The following ANAPC7 variants were observed in gnomAD, a reference collection of about 807,000 sequenced individuals.
ANAPC7 encodes the protein anaphase-promoting complex subunit 7.
ANAPC7 carries 25 observed loss-of-function variants against 63.3 expected under a neutral mutation model. The observed-to-expected ratio is 0.39, with a 90% CI of 0.29 to 0.55. The LOEUF (loss-of-function observed/expected upper bound fraction) is 0.55. Among genes scored for constraint, ANAPC7 ranks in the 20% least tolerant of loss-of-function variants. ANAPC7 has a pLI of 0.57. For missense variants in ANAPC7, 516 were observed against 691.7 expected (o/e 0.75, Z 2.85); for synonymous variants, 241 against 251.7 (o/e 0.96, Z 0.40).
rs190698439 is a variant in ANAPC7 at position 110,402,718 on chromosome 12, C to A, written c.101+809G>T. 6.9e-3 allele frequency among the ~76,000 whole-genome samples: 1,047 copies of A among 152,150 alleles called. 1 individual carries two copies. The highest frequency in any genetic ancestry group is 9.4e-3 in the Non-Finnish European group (640 of 67,982). On this transcript the variant is annotated intron_variant, in intron 1 of 10. Coordinates refer to ENST00000455511, the MANE Select transcript of ANAPC7 (RefSeq NM_016238.3). Reference sequence around the variant, plus strand: ...TCAAGGAAACATGAAAGGCGCCACGCCCACCCATTAATGGAGTCTCCCGTT... The same window carrying A: ...TCAAGGAAACATGAAAGGCGCCACGACCACCCATTAATGGAGTCTCCCGTT...
intron 8 of ANAPC7, among the ~76,000 whole-genome samples, chr12:110,379,736 C>T (rs547648084): frequency 5.3e-5 from 8 of 152,164 alleles, no homozygotes; most frequent in Admixed American, 2.0e-4. Context: ...CTGTTAAGAG[C>T]AAATCACTCC....
At chr12:110,382,007 T>A in intron 7 of ANAPC7, 59 bp from the exon 8 acceptor site, 1 of 1,443,248 alleles carries the variant, frequency 6.9e-7, no homozygotes, top group Non-Finnish European at 9.1e-7. Flanking sequence ...AAGAGAAGAC[T>A]ACAAAGAAAG....
intron 3 of ANAPC7, among the ~76,000 whole-genome samples, chr12:110,394,004 C>G (rs912281193): frequency 1.7e-4 from 26 of 150,394 alleles, no homozygotes; most frequent in Non-Finnish European, 3.2e-4. Context: ...AACACCATCT[C>G]TACTAAAAAT....
intron 3 of ANAPC7, among the ~76,000 whole-genome samples, chr12:110,393,917 AATC>A (rs1254408403): frequency 6.6e-6 from 1 of 150,990 alleles, no homozygotes; most frequent in Non-Finnish European, 1.5e-5. Flanking sequence ...TCACGCCTGT[AATC>A]CTAGCACTTT....
At chr12:110,381,221 CCCTGGGGACCT>C (rs1881814327) in intron 8 of ANAPC7, among the ~76,000 whole-genome samples, 1 of 152,100 alleles carries the variant, frequency 6.6e-6, no homozygotes, top group African/African-American at 2.4e-5. Flanking sequence ...CATTGGTAAC[CCCTGGGGACCT>C]CCAAAAATAT....
intron 4 of ANAPC7, 88 bp downstream of exon 4, chr12:110,388,424 A>AT: frequency 9.9e-7 from 1 of 1,010,122 alleles, no homozygotes; most frequent in Non-Finnish European, 1.5e-6. Flanking sequence ...TTTAAAAAAA[A>AT]TAAAGTTATT....
At chr12:110,382,457 A>ATATATACATATAT (rs1251192302) in intron 7 of ANAPC7, among the ~76,000 whole-genome samples, 2 of 65,268 alleles carry the variant, frequency 3.1e-5, no homozygotes, top group African/African-American at 1.4e-4. Flanking sequence ...AAAAAAAAAA[A>ATATATACATATAT]AAAAATATAT....
chr12:110,386,286 C>G (rs747810245), intron 6 of ANAPC7, 41 bp downstream of exon 6: 3 of 1,611,662 alleles, frequency 1.9e-6, no homozygotes, highest in Non-Finnish European at 1.7e-6. Flanking sequence ...CTGATCCCCC[C>G]CAACAACAGC....
At chr12:110,383,206 A>C (rs1882107643) in intron 6 of ANAPC7, 1 of 364,882 alleles carries the variant, frequency 2.7e-6, no homozygotes, top group Non-Finnish European at 5.0e-6. Flanking sequence ...TAAGAAGCCG[A>C]GGCAGGTGGA....
intron 9 of ANAPC7, among the ~76,000 whole-genome samples, chr12:110,376,601 G>T (rs1881304052): frequency 3.0e-4 from 40 of 133,142 alleles, no homozygotes; most frequent in Middle Eastern, 3.8e-3. Context: ...TTTGCAGTTT[G>T]AATTATAATG....
chr12:110,403,070 A>C (rs984910319), intron 1 of ANAPC7, among the ~76,000 whole-genome samples: 2 of 152,128 alleles, frequency 1.3e-5, no homozygotes, highest in Admixed American at 6.5e-5. Flanking sequence ...CAAGGCCAGA[A>C]AGTGGACCCT....
chr12:110,399,039 GAGA>G (rs1262881379), intron 1 of ANAPC7, among the ~76,000 whole-genome samples: 4 of 110,572 alleles, frequency 3.6e-5, no homozygotes, highest in East Asian at 5.4e-4. Flanking sequence ...TTTTTTTTTT[GAGA>G]AGGAGTCTTA....
At chr12:110,380,395 G>A (rs937436578) in intron 8 of ANAPC7, among the ~76,000 whole-genome samples, 1 of 150,846 alleles carries the variant, frequency 6.6e-6, no homozygotes, top group Non-Finnish European at 1.5e-5. Flanking sequence ...GCTCATGCCT[G>A]TAATCCCAGA....
chr12:110,400,400 T>A (rs1421251378), intron 1 of ANAPC7, among the ~76,000 whole-genome samples: 1 of 152,186 alleles, frequency 6.6e-6, no homozygotes, highest in African/African-American at 2.4e-5. Context: ...CTGTTTGAAT[T>A]TAACAGTGTC....
At chr12:110,392,683 TTTTATAAATAAAAAAGTA>T (rs1883198800) in intron 3 of ANAPC7, among the ~76,000 whole-genome samples, 1 of 152,244 alleles carries the variant, frequency 6.6e-6, no homozygotes, top group African/African-American at 2.4e-5. Context: ...ATTCTTCTCA[TTTTATAAATAAAAAAGTA>T]GTAAAGCTCA....
rs926457100 is a variant in ANAPC7 at position 110,377,581 on chromosome 12, C to T, written c.1169G>A (p.Arg390Gln). 2.5e-6 allele frequency: 4 copies of T among 1,614,132 alleles called. No individual in the cohort carries two copies. Among genetic ancestry groups the T allele is most frequent in the Admixed American group, 1.7e-5 (1 of 60,006 alleles). The change falls in exon 9 of 11, where the codon CGA becomes CAA. Residue 390 changes from arginine to glutamine, a missense_variant. Physicochemically the swap from Arg to Gln is conservative, Grantham distance 43. Coordinates refer to ENST00000455511, the MANE Select transcript of ANAPC7 (RefSeq NM_016238.3). ...IECYLASNSI[R>Q]EAMVMANNVY... is the part of the protein sequence containing the mutation. ...GTTGTTAGCCATTACCATTGCTTCT[C>T]GAATACTGTTGGAGGCTAAGTAACA...
intron 10 of ANAPC7, 132 bp downstream of exon 10, chr12:110,375,934 A>G: frequency 7.5e-7 from 1 of 1,336,600 alleles, no homozygotes; most frequent in African/African-American, 1.5e-5. Flanking sequence ...TAACTCTTCT[A>G]CCATTACTAT....
chr12:110,397,064 C>T (rs879514438), intron 1 of ANAPC7, among the ~76,000 whole-genome samples: 7 of 151,244 alleles, frequency 4.6e-5, no homozygotes, highest in South Asian at 2.1e-4. Context: ...ATTAGCCAGG[C>T]GTGGTGGCAG....
chr12:110,384,397 ACAAAAC>A (rs751990385), intron 6 of ANAPC7, among the ~76,000 whole-genome samples: 2 of 151,774 alleles, frequency 1.3e-5, no homozygotes, highest in African/African-American at 2.4e-5. Context: ...GTCTCTAACA[ACAAAAC>A]CAAAACCAAA....
Sources: gnomAD v4.1 joint callset for allele counts (sites outside exome capture counted in the v4.1 genomes callset) on GRCh38, gnomAD v4.1.1 for gene constraint, MANE v1.5 for transcripts, NCBI Gene and HGNC (gene_info 2026-07-23, HGNC 2026-07-21) for gene names.